GALNTL6: variants seen among roughly 807,000 people sequenced by gnomAD.
GALNTL6 encodes the protein polypeptide N-acetylgalactosaminyltransferase like 6, also known as polypeptide N-acetylgalactosaminyltransferase-like 6.
Under a neutral mutation model 73.7 loss-of-function variants are expected in GALNTL6, and 46 were observed. That is an observed-to-expected ratio of 0.62 (90% CI 0.49 to 0.80). The LOEUF is 0.80. GALNTL6 is among the 30% of genes least tolerant of loss of function. The probability of loss-of-function intolerance (pLI) is 0.00; values close to 1 mark genes in which losing one functional copy is unlikely to be tolerated. For synonymous variants in GALNTL6, 259 were observed against 263.7 expected (o/e 0.98, Z 0.17); for missense variants, 604 against 755.0 (o/e 0.80, Z 2.34).
chr4:171,988,014 G>A (rs984550072), intron 2 of GALNTL6, among the ~76,000 whole-genome samples: 1 of 152,136 alleles, frequency 6.6e-6, no homozygotes, highest in Non-Finnish European at 1.5e-5. Flanking sequence ...TCAGGTATGA[G>A]GAAGAAAATA....
chr4:172,451,720 A>G (rs934775246), intron 5 of GALNTL6, among the ~76,000 whole-genome samples: 2 of 152,208 alleles, frequency 1.3e-5, no homozygotes, highest in African/African-American at 4.8e-5. Flanking sequence ...CATGTATGTA[A>G]GTGGGCCAGG....
chr4:173,016,709 G>A (rs901395526), intron 11 of GALNTL6, among the ~76,000 whole-genome samples: 19 of 152,178 alleles, frequency 1.2e-4, no homozygotes, highest in African/African-American at 4.6e-4. Context: ...TCTCAGATGA[G>A]ACTTTGGACT....
chr4:171,842,420 T>C (rs1735260884), intron 2 of GALNTL6, among the ~76,000 whole-genome samples: 1 of 152,086 alleles, frequency 6.6e-6, no homozygotes, highest in Non-Finnish European at 1.5e-5. Flanking sequence ...TAATCCTGTC[T>C]CCATGCTTGG....
At chr4:172,301,402 T>G (rs1739915683) in intron 3 of GALNTL6, among the ~76,000 whole-genome samples, 1 of 152,236 alleles carries the variant, frequency 6.6e-6, no homozygotes, top group Non-Finnish European at 1.5e-5. Context: ...TTTGTTCCAT[T>G]GCTCGTGAGG....
At chr4:172,787,460 C>T (rs550275905) in intron 5 of GALNTL6, among the ~76,000 whole-genome samples, 11 of 152,290 alleles carry the variant, frequency 7.2e-5, no homozygotes, top group Non-Finnish European at 1.3e-4. Context: ...CCATAATAAA[C>T]GCTCATTAGG....
At chr4:172,625,844 G>A (rs986368938) in intron 5 of GALNTL6, among the ~76,000 whole-genome samples, 7 of 151,920 alleles carry the variant, frequency 4.6e-5, no homozygotes, top group African/African-American at 1.7e-4. Context: ...ATCTGTTCAT[G>A]TCTTTTGACT....
At chr4:172,652,055 T>G (rs772495711) in intron 5 of GALNTL6, among the ~76,000 whole-genome samples, 1 of 152,208 alleles carries the variant, frequency 6.6e-6, no homozygotes, top group Non-Finnish European at 1.5e-5. Flanking sequence ...AATATGAGTC[T>G]TAGAATCCAT....
chr4:171,955,380 A>C (rs1560857581), intron 2 of GALNTL6, among the ~76,000 whole-genome samples: 1 of 113,804 alleles, frequency 8.8e-6, no homozygotes, highest in African/African-American at 2.7e-5. Context: ...CTATCTATCT[A>C]TCTATATATA....
chr4:172,324,363 T>A (rs1441558371), intron 4 of GALNTL6, among the ~76,000 whole-genome samples: 1 of 151,894 alleles, frequency 6.6e-6, no homozygotes, highest in Non-Finnish European at 1.5e-5. Context: ...CTGATATTAC[T>A]TTAAAAGGAA....
chr4:172,977,028 T>G (rs951389112), intron 10 of GALNTL6, among the ~76,000 whole-genome samples: 1 of 152,196 alleles, frequency 6.6e-6, no homozygotes, highest in Non-Finnish European at 1.5e-5. Flanking sequence ...TCTTTATTGA[T>G]TTTGCATGAG....
At chr4:172,797,263 T>A (rs1342265158) in intron 5 of GALNTL6, among the ~76,000 whole-genome samples, 2 of 152,152 alleles carry the variant, frequency 1.3e-5, no homozygotes, top group Non-Finnish European at 2.9e-5. Context: ...TTCTTTTTTT[T>A]TTATTTGGAG....
intron 2 of GALNTL6, among the ~76,000 whole-genome samples, chr4:171,933,780 T>G (rs1227067590): frequency 1.3e-5 from 2 of 152,130 alleles, no homozygotes; most frequent in Non-Finnish European, 2.9e-5. Flanking sequence ...ATTATAAACA[T>G]CAGATTTACT....
intron 2 of GALNTL6, among the ~76,000 whole-genome samples, chr4:171,944,388 T>A (rs1289934385): frequency 6.6e-6 from 1 of 152,046 alleles, no homozygotes; most frequent in African/African-American, 2.4e-5. Flanking sequence ...CGCCACAGCT[T>A]CAAAATTAAA....
intron 8 of GALNTL6, among the ~76,000 whole-genome samples, chr4:172,924,518 C>T (rs1433350835): frequency 6.6e-6 from 1 of 152,126 alleles, no homozygotes; most frequent in Non-Finnish European, 1.5e-5. Context: ...AACAGGGAAT[C>T]CCAACCAAAT....
In GALNTL6 at chr4:172,813,487, A is replaced by G; in HGVS notation, c.740-53A>G. 8 of 1,472,738 alleles carry G rather than the reference A, an allele frequency of 5.4e-6. No individual in the cohort carries two copies. In the South Asian group the frequency reaches 6.3e-5, roughly 12 times the overall value. 91.2% of individuals were successfully genotyped at this position (1,472,738 alleles called of 1,614,324 possible). On this transcript the variant is annotated intron_variant, in intron 6 of 12. Coordinates refer to ENST00000506823, the MANE Select transcript of GALNTL6 (RefSeq NM_001034845.3). ...GTAGGCTTCTCTTTGCTGAAAAATGATAGATGACCTAGGCAGGCATGTCAT... is the reference window on the plus strand; with the variant it reads ...GTAGGCTTCTCTTTGCTGAAAAATGGTAGATGACCTAGGCAGGCATGTCAT...
At chr4:173,019,153 A>G (rs1752892373) in intron 11 of GALNTL6, among the ~76,000 whole-genome samples, 1 of 152,248 alleles carries the variant, frequency 6.6e-6, no homozygotes, top group South Asian at 2.1e-4. Flanking sequence ...CAAGGTTGAT[A>G]AAGTGCATGA....
Position 172,107,283 on chromosome 4 carries a change from A to T in GALNTL6, c.139-122373A>T, listed in dbSNP as rs367788340. On this transcript the variant is annotated intron_variant, in intron 2 of 12. Transcript: ENST00000506823. The stretch of plus-strand genomic sequence containing the variant: ...TTACTAGAAGGTGGAGATATCACAA[A>T]ACCTGTATGTAGTAGAAATATTTTC... Among the ~76,000 whole-genome samples the T allele has an allele frequency of 2.6e-4, 39 of 152,308 alleles. No individual in the cohort carries two copies. The East Asian group carries it at 5.2e-3, about 20-fold the overall frequency.
At chr4:171,955,222 T>C (rs894411222) in intron 2 of GALNTL6, among the ~76,000 whole-genome samples, 1 of 152,164 alleles carries the variant, frequency 6.6e-6, no homozygotes, top group African/African-American at 2.4e-5. Flanking sequence ...AAATAAAGCA[T>C]ACAAAAGAAA....
At chr4:172,093,847 G>A (rs1732275867) in intron 2 of GALNTL6, among the ~76,000 whole-genome samples, 1 of 152,158 alleles carries the variant, frequency 6.6e-6, no homozygotes, top group African/African-American at 2.4e-5. Context: ...CCATCATCGT[G>A]AGACTGTTTA....
Sources: gnomAD v4.1 joint callset for allele counts (sites outside exome capture counted in the v4.1 genomes callset) on GRCh38, gnomAD v4.1.1 for gene constraint, MANE v1.5 for transcripts, NCBI Gene and HGNC (gene_info 2026-07-23, HGNC 2026-07-21) for gene names.